Variants in GRM7 observed in about 807,000 individuals in gnomAD.
GRM7 encodes metabotropic glutamate receptor 7.
GRM7 carries 35 observed loss-of-function variants against 84.5 expected under a neutral mutation model. The observed-to-expected ratio is 0.41, with a 90% CI of 0.32 to 0.55. GRM7 has a LOEUF of 0.55. Among genes scored for constraint, GRM7 ranks in the 20% least tolerant of loss-of-function variants. The pLI, the probability that GRM7 is intolerant of heterozygous loss-of-function variation, is 0.19. For synonymous variants in GRM7, 487 were observed against 455.1 expected, an observed-to-expected ratio of 1.07 and a Z score of -0.89; for missense variants, 1,003 against 1,194.6, an observed-to-expected ratio of 0.84 and a Z score of 2.36.
intron 7 of GRM7, among the ~76,000 whole-genome samples, chr3:7,545,336 A>G (rs1693094014): frequency 6.6e-6 from 1 of 152,264 alleles, no homozygotes. Context: ...GAATGAATAA[A>G]TGAAAGGAAG....
At chr3:7,014,773 A>T (rs1695501187) in intron 1 of GRM7, among the ~76,000 whole-genome samples, 1 of 152,172 alleles carries the variant, frequency 6.6e-6, no homozygotes, top group South Asian at 2.1e-4. Context: ...TTGTATCCCC[A>T]ACATCTAGAA....
intron 2 of GRM7, among the ~76,000 whole-genome samples, chr3:7,225,063 A>T (rs1162244654): frequency 6.6e-6 from 1 of 152,038 alleles, no homozygotes; most frequent in African/African-American, 2.4e-5. Context: ...ATACTAAACT[A>T]CCTCCTTGCT....
chr3:7,568,668 G>A (rs1344940568), intron 7 of GRM7, among the ~76,000 whole-genome samples: 2 of 152,142 alleles, frequency 1.3e-5, no homozygotes, highest in Non-Finnish European at 2.9e-5. Flanking sequence ...GTGGGTGTGG[G>A]CTCGGCGGCC....
chr3:7,381,134 C>G (rs1694572793), intron 4 of GRM7, among the ~76,000 whole-genome samples: 1 of 152,032 alleles, frequency 6.6e-6, no homozygotes, highest in South Asian at 2.1e-4. Context: ...GTATCATCTA[C>G]TTCCTTGACT....
intron 7 of GRM7, among the ~76,000 whole-genome samples, chr3:7,491,223 G>A (rs185816285): frequency 9.2e-5 from 14 of 151,874 alleles, no homozygotes; most frequent in Non-Finnish European, 1.3e-4. Context: ...TATCAAATGA[G>A]CAAAAATTTT....
At chr3:6,931,501 A>T (rs142461058) in intron 1 of GRM7, among the ~76,000 whole-genome samples, 1 of 152,176 alleles carries the variant, frequency 6.6e-6, no homozygotes, top group Non-Finnish European at 1.5e-5. Flanking sequence ...TTTCCCATTA[A>T]TTCCTGCCCA....
chr3:7,510,650 A>T (rs1700171323), intron 7 of GRM7, among the ~76,000 whole-genome samples: 1 of 152,202 alleles, frequency 6.6e-6, no homozygotes, highest in Non-Finnish European at 1.5e-5. Flanking sequence ...CAGCTCGAGG[A>T]TATAGCTCTG....
At position 6,861,339 on chromosome 3, in the gene GRM7, A is replaced by G. The variant is rs1460512850; in HGVS notation, c.-50A>G. On this transcript the variant is annotated 5_prime_UTR_variant, in exon 1 of 10. Transcript: ENST00000357716. This position sits in a 1 kb window ranked among gnomAD's most constrained non-coding sequence, Gnocchi z 6.4. ...GAAGGGCCCGGACCTCGGCGAGCCCACCACCGTTCCCTCCAGCGCCGCCGC... is the reference window on the plus strand; with the variant it reads ...GAAGGGCCCGGACCTCGGCGAGCCCGCCACCGTTCCCTCCAGCGCCGCCGC... 1.1e-5 allele frequency: 16 copies of G among 1,440,688 alleles called. No homozygotes were observed. The South Asian group carries it at 2.4e-4, about 21-fold the overall frequency. The allele number at this position is 1,440,688 out of a possible 1,614,324, so 89.2% of individuals were successfully genotyped here.
At chr3:6,933,440 C>A (rs1022419151) in intron 1 of GRM7, among the ~76,000 whole-genome samples, 1 of 152,038 alleles carries the variant, frequency 6.6e-6, no homozygotes. Flanking sequence ...TATTTAAATC[C>A]AATAGATGCT....
chr3:7,356,329 T>A (rs1020876522), intron 4 of GRM7, among the ~76,000 whole-genome samples: 2 of 150,730 alleles, frequency 1.3e-5, no homozygotes, highest in East Asian at 3.9e-4. Context: ...TGAGACAGAG[T>A]CTCACTCTGT....
chr3:7,131,105 G>C (rs947622714), intron 1 of GRM7, among the ~76,000 whole-genome samples: 1 of 151,994 alleles, frequency 6.6e-6, no homozygotes, highest in Non-Finnish European at 1.5e-5. Context: ...TCATCCAGGA[G>C]CTAGGAAGGA....
At chr3:7,563,145 T>A (rs1019835909) in intron 7 of GRM7, among the ~76,000 whole-genome samples, 1 of 152,114 alleles carries the variant, frequency 6.6e-6, no homozygotes, top group African/African-American at 2.4e-5. Context: ...AGTGTGAAAA[T>A]CTAAGATGAA....
intron 2 of GRM7, among the ~76,000 whole-genome samples, chr3:7,256,880 A>C (rs891176552): frequency 3.3e-5 from 5 of 152,176 alleles, no homozygotes; most frequent in African/African-American, 1.2e-4. Flanking sequence ...ACCTAAGATA[A>C]AGTGATTAAT....
rs1214776091 is a variant in GRM7 at position 7,159,272 on chromosome 3, A to G, written c.736+12604A>G. The stretch of plus-strand genomic sequence containing the variant: ...GATCTGTTAACGTGAAATACAATAA[A>G]ACACGAAGATTCAGGTGAAATATGT... On this transcript the variant is annotated intron_variant, in intron 2 of 9. Transcript: ENST00000357716. Among the ~76,000 whole-genome samples the G allele has an allele frequency of 3.3e-5, 5 of 152,216 alleles. No individual in the cohort carries two copies. In the East Asian group the frequency reaches 5.8e-4, roughly 18 times the overall value.
At chr3:7,691,390 A>G in intron 9 of GRM7, 1 of 517,066 alleles carries the variant, frequency 1.9e-6, no homozygotes, top group South Asian at 2.3e-5. Flanking sequence ...TCTGGTCAAG[A>G]AAAAGAAAAA....
intron 2 of GRM7, among the ~76,000 whole-genome samples, chr3:7,229,749 ATATATATATAT>A (rs1392170277): frequency 8.6e-4 from 29 of 33,596 alleles, no homozygotes; most frequent in African/African-American, 2.8e-3. Context: ...ATATATATAT[ATATATATATAT>A]TTTTTTTTTT....
At chr3:7,017,164 G>A (rs917283029) in intron 1 of GRM7, among the ~76,000 whole-genome samples, 2 of 152,138 alleles carry the variant, frequency 1.3e-5, no homozygotes, top group Non-Finnish European at 2.9e-5. Flanking sequence ...TAATAACCAT[G>A]TGAAAGCTAT....
intron 1 of GRM7, among the ~76,000 whole-genome samples, chr3:6,998,791 G>A (rs1177452335): frequency 6.6e-6 from 1 of 152,210 alleles, no homozygotes; most frequent in African/African-American, 2.4e-5. Context: ...GCCCCTTTTA[G>A]CCAGAGGTAG....
chr3:7,171,505 C>T lies in GRM7; in HGVS notation c.736+24837C>T, dbSNP rs1694982676. ...CAGCTATAGATTTTATGGCACCACA[C>T]ACTTCCACTTTCAGAATATACTACA... On this transcript the variant is annotated intron_variant, in intron 2 of 9. Coordinates refer to ENST00000357716, the MANE Select transcript of GRM7 (RefSeq NM_000844.4). 2.0e-5 allele frequency among the ~76,000 whole-genome samples: 3 copies of T among 152,258 alleles called. No homozygotes were observed. In the South Asian group the frequency reaches 6.2e-4, roughly 32 times the overall value.
Sources: gnomAD v4.1 joint callset for allele counts (sites outside exome capture counted in the v4.1 genomes callset) on GRCh38, gnomAD v4.1.1 for gene constraint, Gnocchi (gnomAD v3.1) non-coding constraint, MANE v1.5 for transcripts, NCBI Gene and HGNC (gene_info 2026-07-23, HGNC 2026-07-21) for gene names.